Variants in FIBCD1 observed in about 807,000 individuals in gnomAD.
The protein encoded by FIBCD1 is fibrinogen C domain-containing protein 1.
In FIBCD1, 47 loss-of-function variants were observed where a neutral mutation model predicts 45.1. The ratio of observed to expected loss-of-function variants is 1.04; its 90% CI spans 0.82 to 1.33. The LOEUF is 1.33. Ranked by LOEUF, FIBCD1 falls within the 40% of genes most tolerant of loss-of-function variation. The probability of loss-of-function intolerance (pLI) is 0.00; values close to 1 mark genes in which losing one functional copy is unlikely to be tolerated. For synonymous variants in FIBCD1, 313 were observed against 308.1 expected, an observed-to-expected ratio of 1.02 and a Z score of -0.17; for missense variants, 653 against 682.2, an observed-to-expected ratio of 0.96 and a Z score of 0.48.
Position 130,912,535 on chromosome 9 carries a change from C to T in FIBCD1, c.850-647G>A, listed in dbSNP as rs535653065. Among the ~76,000 whole-genome samples, 10 of 152,000 alleles carry T rather than the reference C, an allele frequency of 6.6e-5. No homozygotes were observed. In the South Asian group the frequency reaches 1.3e-3, roughly 19 times the overall value. On this transcript the variant is annotated intron_variant, in intron 4 of 6. Transcript: ENST00000372338. The stretch of plus-strand genomic sequence containing the variant: ...CAGCCTGGTCAACGTGGGGAAACCC[C>T]GTCTCTACTGAAAATATAAAAATTA...
intron 4 of FIBCD1, among the ~76,000 whole-genome samples, chr9:130,917,080 AGAGT>A (rs1459012267): frequency 6.6e-6 from 1 of 151,812 alleles, no homozygotes; most frequent in Non-Finnish European, 1.5e-5. Context: ...CCTGGGCAAC[AGAGT>A]GAGACCTCGT....
At chr9:130,928,654 G>A (rs1832395413) in intron 2 of FIBCD1, among the ~76,000 whole-genome samples, 2 of 152,220 alleles carry the variant, frequency 1.3e-5, no homozygotes, top group South Asian at 4.1e-4. Context: ...GGCTGCTGGG[G>A]GCGGTGGGGC....
Position 130,929,940 on chromosome 9 carries a change from G to A in FIBCD1, c.179C>T (p.Pro60Leu), listed in dbSNP as rs1420115356. The A allele has an allele frequency of 9.0e-6, 14 of 1,548,938 alleles. No homozygotes were observed. The highest frequency in any genetic ancestry group is 2.4e-5 in the East Asian group (1 of 40,970). Reference sequence around the variant, plus strand: ...GACGACAGGTGGGGGCGCCGTGCCCGGCGCGTGGGCGTGGTTCAGGAAGAG... The same window carrying A: ...GACGACAGGTGGGGGCGCCGTGCCCAGCGCGTGGGCGTGGTTCAGGAAGAG... ...AVLFLNHAHA[P>L]GTAPPPVVST... Residue 60 changes from proline (P) to leucine (L), a missense_variant, in exon 2 of 7, where the codon CCG (proline) becomes CTG (leucine). Physicochemically the swap from Pro to Leu is moderately conservative, Grantham distance 98 (BLOSUM62 -3). Coordinates refer to ENST00000372338, the MANE Select transcript of FIBCD1 (RefSeq NM_032843.5).
In FIBCD1 at chr9:130,939,223, C is replaced by A. The variant is rs886798036; in HGVS notation, c.-616G>T. ...CCCGGACCGGACTCACACAAGTCACCATGCGCGGGGCGGGCCCCGAGGGCG... is the reference window on the plus strand; with the variant it reads ...CCCGGACCGGACTCACACAAGTCACAATGCGCGGGGCGGGCCCCGAGGGCG... On this transcript the variant is annotated 5_prime_UTR_variant, in exon 1 of 7. The change abolishes an upstream ATG in the 5' untranslated region. Coordinates refer to ENST00000372338, the MANE Select transcript of FIBCD1 (RefSeq NM_032843.5). 2.0e-5 allele frequency: 3 copies of A among 152,098 alleles called. No individual in the cohort carries two copies. Among genetic ancestry groups the A allele is most frequent in the African/African-American group, 7.2e-5 (3 of 41,450 alleles). The allele number at this position is 152,098 out of a possible 1,614,324, so 9.4% of individuals were successfully genotyped here.
upstream of FIBCD1, among the ~76,000 whole-genome samples, chr9:130,940,069 C>T (rs1041220740): frequency 2.6e-5 from 4 of 152,234 alleles, no homozygotes; most frequent in African/African-American, 9.6e-5. Context: ...TTGGCCGCCG[C>T]GCTGTTCCCT....
Position 130,926,154 on chromosome 9 carries a change from G to A in FIBCD1, c.553-1758C>T, listed in dbSNP as rs1478580605. Among the ~76,000 whole-genome samples the A allele has an allele frequency of 2.0e-5, 3 of 152,268 alleles. No homozygotes were observed. The highest frequency in any genetic ancestry group is 7.2e-5 in the African/African-American group (3 of 41,542). On this transcript the variant is annotated intron_variant, in intron 2 of 6. Coordinates refer to ENST00000372338, the MANE Select transcript of FIBCD1 (RefSeq NM_032843.5). The surrounding 1 kb of genome is among the most constrained non-coding windows in gnomAD (Gnocchi z 4.1). ...GGCAGGAGGGAAGACGGTAGGTGGG[G>A]GCCGCCGTGCGATGTGTGTGCGGCA...
In FIBCD1 at chr9:130,929,918, G is replaced by A. The variant is rs377426772; in HGVS notation, c.201C>T (p.Val67=). The A allele has an allele frequency of 2.6e-4, 403 of 1,549,200 alleles. 4 individuals carry two copies. In the South Asian group the frequency reaches 2.8e-3, roughly 11 times the overall value. Residue 67 remains valine (V), a synonymous_variant, in exon 2 of 7, where the codon GTC becomes GTT. Coordinates refer to ENST00000372338, the MANE Select transcript of FIBCD1 (RefSeq NM_032843.5). ...TGGCGCTGGCAGCCCCAGTGCTGAC[G>A]ACAGGTGGGGGCGCCGTGCCCGGCG... ...AHAPGTAPPP[V]VSTGAASANS...
rs1431308380 is a variant in FIBCD1, at chr9:130,903,297, G to A, written c.*767C>T. Reference sequence around the variant, plus strand: ...CAGCCCCAGCTGCCCCAGGTAGGAGGACGGCCGGGAGCTGGGTGGGGGATG... The same window carrying A: ...CAGCCCCAGCTGCCCCAGGTAGGAGAACGGCCGGGAGCTGGGTGGGGGATG... On this transcript the variant is annotated 3_prime_UTR_variant, in exon 7 of 7. Coordinates refer to ENST00000372338, the MANE Select transcript of FIBCD1 (RefSeq NM_032843.5). 1 of 153,678 alleles carries A rather than the reference G, an allele frequency of 6.5e-6. No individual in the cohort carries two copies. The highest frequency in any genetic ancestry group is 1.4e-5 in the Non-Finnish European group (1 of 69,288). The allele number at this position is 153,678 out of a possible 1,614,324, so 9.5% of individuals were successfully genotyped here.
rs749741910 is a variant in FIBCD1, at chr9:130,904,438, C to T, written c.1127-115G>A. 15 of 1,419,214 alleles carry T rather than the reference C, an allele frequency of 1.1e-5. 1 individual carries two copies. Among genetic ancestry groups the T allele is most frequent in the South Asian group, 6.7e-5 (5 of 75,074 alleles). 87.9% of individuals were successfully genotyped at this position (1,419,214 alleles called of 1,614,324 possible). On this transcript the variant is annotated intron_variant, in intron 6 of 6. Transcript: ENST00000372338. ...GTGCACCTGGACGTGAGTGCATACA[C>T]GTACGCACGTGCTCTCACACATACT...
At chr9:130,938,372 C>T (rs1209254852) in intron 1 of FIBCD1, among the ~76,000 whole-genome samples, 164 bp downstream of exon 1, 1 of 152,210 alleles carries the variant, frequency 6.6e-6, no homozygotes, top group Non-Finnish European at 1.5e-5. Context: ...CAAGCCTCGG[C>T]TCGGGGAGGA....
chr9:130,940,095 T>C (rs1832596882), upstream of FIBCD1, among the ~76,000 whole-genome samples: 2 of 152,182 alleles, frequency 1.3e-5, no homozygotes, highest in African/African-American at 4.8e-5. Flanking sequence ...CGTCTCCGTC[T>C]CTCCCCCACT....
At chr9:130,921,318 T>C (rs191059129) in intron 4 of FIBCD1, among the ~76,000 whole-genome samples, 20 of 152,354 alleles carry the variant, frequency 1.3e-4, no homozygotes, top group African/African-American at 4.8e-4. Flanking sequence ...GGCAGCCAGC[T>C]CCTTCCCAAA....
chr9:130,925,510 C>T (rs940843572), intron 2 of FIBCD1, among the ~76,000 whole-genome samples: 3 of 152,200 alleles, frequency 2.0e-5, no homozygotes, highest in Non-Finnish European at 4.4e-5. Flanking sequence ...AATCTCTCCA[C>T]GTCTCCATTT....
Position 130,904,291 on chromosome 9 carries a change from A to G in FIBCD1, c.1159T>C (p.Phe387Leu), listed in dbSNP as rs889526594. 3.1e-6 allele frequency: 5 copies of G among 1,610,826 alleles called. No individual in the cohort carries two copies. The highest frequency in any genetic ancestry group is 4.2e-6 in the Non-Finnish European group (5 of 1,177,952). The change falls in exon 7 of 7, where the codon TTC becomes CTC. Residue 387 changes from phenylalanine (F) to leucine (L), a missense_variant. By Grantham distance (22) the Phe-to-Leu change is conservative (BLOSUM62 0). Transcript: ENST00000372338. The stretch of plus-strand genomic sequence containing the variant: ...TCGCTGTCACGGTCCTTGGTGGTGA[A>G]CCTCATGCCGCTGTGCTTCAGGAGG... The part of the protein sequence containing the change: ...DSLLKHSGMR[F>L]TTKDRDSDHS...
At chr9:130,916,282 A>G (rs1439767297) in intron 4 of FIBCD1, among the ~76,000 whole-genome samples, 1 of 151,660 alleles carries the variant, frequency 6.6e-6, no homozygotes, top group Non-Finnish European at 1.5e-5. Flanking sequence ...TGATTGAAAA[A>G]ATAATGTTGA....
chr9:130,929,195 C>A (rs1230938571), intron 2 of FIBCD1, among the ~76,000 whole-genome samples: 1 of 152,182 alleles, frequency 6.6e-6, no homozygotes, highest in Non-Finnish European at 1.5e-5. Context: ...CAGCAAGTCG[C>A]ATCCCCTCTC....
chr9:130,939,629 G>A (rs1047276877), upstream of FIBCD1, among the ~76,000 whole-genome samples: 9 of 151,942 alleles, frequency 5.9e-5, no homozygotes, highest in Non-Finnish European at 1.2e-4. Flanking sequence ...CTGTGGTCGC[G>A]AGTACCAGCC....
intron 1 of FIBCD1, among the ~76,000 whole-genome samples, chr9:130,930,430 A>G (rs1832431274): frequency 6.6e-6 from 1 of 150,684 alleles, no homozygotes; most frequent in Non-Finnish European, 1.5e-5. Context: ...AGACACGGGG[A>G]GACATGGGGA....
intron 5 of FIBCD1, among the ~76,000 whole-genome samples, chr9:130,911,096 T>G (rs376271751): frequency 6.6e-6 from 1 of 152,200 alleles, no homozygotes; most frequent in Admixed American, 6.5e-5. Context: ...GGTTCCCTCC[T>G]GCGCTGTGGA....
Sources: allele counts gnomAD v4.1 joint callset (sites outside exome capture counted in the v4.1 genomes callset), GRCh38; gene constraint gnomAD v4.1.1; non-coding constraint Gnocchi (gnomAD v3.1); transcripts MANE v1.5; gene names NCBI Gene and HGNC (gene_info 2026-07-23, HGNC 2026-07-21).